CFH: variants seen among roughly 807,000 people sequenced by gnomAD.
CFH encodes the protein complement factor H.
CFH carries 53 observed loss-of-function variants against 147.3 expected under a neutral mutation model. The ratio of observed to expected loss-of-function variants is 0.36; its 90% CI spans 0.29 to 0.45. The LOEUF (loss-of-function observed/expected upper bound fraction) is 0.45. Ranked by LOEUF, CFH falls within the 20% of genes least tolerant of loss-of-function variation. The pLI, the probability that CFH is intolerant of heterozygous loss-of-function variation, is 1.00. For missense variants in CFH, 1,380 were observed against 1,498.0 expected (o/e 0.92, Z 1.30); for synonymous variants, 536 against 489.4 (o/e 1.10, Z -1.26).
At chr1:196,661,072 C>T (rs1003056578) in intron 1 of CFH, among the ~76,000 whole-genome samples, 1 of 151,960 alleles carries the variant, frequency 6.6e-6, no homozygotes, top group Non-Finnish European at 1.5e-5. Context: ...TCCTTTTGTG[C>T]GGAAGGGGCC....
chr1:196,722,457 G>T lies in CFH; in HGVS notation c.1697-2664G>T, dbSNP rs1410838095. ...TACAGTTTCTGCTGAGAAGTCCACT[G>T]TTAGTCTTACGAGATTTCCGTTATA... On this transcript the variant is annotated intron_variant, in intron 11 of 21. Transcript: ENST00000367429. 5.3e-5 allele frequency among the ~76,000 whole-genome samples: 8 copies of T among 152,186 alleles called. No homozygotes were observed. The East Asian group carries it at 1.5e-3, about 29-fold the overall frequency.
intron 10 of CFH, 140 bp from the exon 11 acceptor site, chr1:196,715,453 A>T: frequency 3.1e-6 from 2 of 652,976 alleles, no homozygotes; most frequent in Non-Finnish European, 5.3e-6. Context: ...ACAAATTCTC[A>T]CCAGTCATAG....
At position 196,691,324 on chromosome 1, in the gene CFH, G is replaced by GCTT. The variant is rs1349717060; in HGVS notation, c.1336+1085_1336+1086insCTT. 2.2e-4 allele frequency among the ~76,000 whole-genome samples: 34 copies of GCTT among 152,150 alleles called. No homozygotes were observed. The East Asian group carries it at 4.7e-3, about 21-fold the overall frequency. ...TTCTCTAGTATATGTAAGTACAAAT[G>GCTT]GGTATTCTGAGATCTTGTGCATATT... On this transcript the variant is annotated intron_variant, in intron 9 of 21. Coordinates refer to ENST00000367429, the MANE Select transcript of CFH (RefSeq NM_000186.4).
chr1:196,743,514 A>T lies in CFH; in HGVS notation c.3196A>T (p.Lys1066Ter). ...NAYIVSRQMS[K>*]YPSGERVRYQ... ...TTATATAGTGTCGAGACAGATGAGT[A>T]AATATCCATCTGGTGAGAGAGTACG... The change falls in exon 20 of 22, where the codon AAA becomes TAA. Residue 1066 changes from lysine (K) to a stop codon, truncating the protein, a stop_gained. Transcript: ENST00000367429. LOFTEE classifies it high-confidence loss of function. The T allele has an allele frequency of 6.2e-7, 1 of 1,614,088 alleles. No homozygotes were observed. The highest frequency in any genetic ancestry group is 8.5e-7 in the Non-Finnish European group (1 of 1,179,948).
intron 18 of CFH, chr1:196,741,205 AAT>A (rs1365328445): frequency 8.1e-6 from 2 of 245,640 alleles, no homozygotes; most frequent in African/African-American, 4.6e-5. Flanking sequence ...ATGCACACAC[AAT>A]ATAGGTGGTG....
At chr1:196,684,160 T>C (rs1667746355) in intron 6 of CFH, among the ~76,000 whole-genome samples, 1 of 151,966 alleles carries the variant, frequency 6.6e-6, no homozygotes, top group Admixed American at 6.6e-5. Context: ...GATGGCAAAC[T>C]ATAGGCTGCA....
chr1:196,718,543 T>G (rs962674007), intron 11 of CFH, among the ~76,000 whole-genome samples: 1 of 152,030 alleles, frequency 6.6e-6, no homozygotes, highest in East Asian at 1.9e-4. Flanking sequence ...GCATGGATCA[T>G]AAAGAGGTTG....
At chr1:196,700,020 T>G (rs1212882417) in intron 9 of CFH, among the ~76,000 whole-genome samples, 1 of 152,208 alleles carries the variant, frequency 6.6e-6, no homozygotes, top group Non-Finnish European at 1.5e-5. Flanking sequence ...ACTTTCCATT[T>G]GAGTTTCTCC....
At chr1:196,729,119 T>C (rs748095438) in intron 15 of CFH, among the ~76,000 whole-genome samples, 8 of 152,068 alleles carry the variant, frequency 5.3e-5, no homozygotes, top group Non-Finnish European at 8.8e-5. Flanking sequence ...TGCTATCCAA[T>C]TGTGGGTTTC....
Position 196,673,882 on chromosome 1 carries a change from T to C in CFH, c.270T>C (p.Asp90=). ...CQKRPCGHPG[D]TPFGTFTLTG... ...AAAGGCCCTGTGGACATCCTGGAGA[T>C]ACTCCTTTTGGTACTTTTACCCTTA... The change falls in exon 3 of 22, where the codon GAT becomes GAC. Residue 90 remains aspartate, a synonymous_variant. Transcript: ENST00000367429. 3 of 1,613,546 alleles carry C rather than the reference T, an allele frequency of 1.9e-6. No individual in the cohort carries two copies. The highest frequency in any genetic ancestry group is 2.5e-6 in the Non-Finnish European group (3 of 1,179,616).
intron 17 of CFH, among the ~76,000 whole-genome samples, chr1:196,738,301 T>C (rs1652659206): frequency 6.6e-6 from 1 of 152,138 alleles, no homozygotes; most frequent in Non-Finnish European, 1.5e-5. Flanking sequence ...TCCTCACAAT[T>C]CAAAACACAA....
At chr1:196,672,451 A>G (rs1279809123) in intron 1 of CFH, among the ~76,000 whole-genome samples, 1 of 152,192 alleles carries the variant, frequency 6.6e-6, no homozygotes, top group East Asian at 1.9e-4. Flanking sequence ...GAGTGCCTGT[A>G]TAATTCTGTA....
At chr1:196,689,658 A>C in intron 8 of CFH, 44 bp downstream of exon 8, 1 of 1,598,762 alleles carries the variant, frequency 6.3e-7, no homozygotes, top group Non-Finnish European at 8.6e-7. Context: ...TAAAACTTTC[A>C]AAGATCGAAG....
intron 3 of CFH, among the ~76,000 whole-genome samples, chr1:196,675,420 CT>C (rs1454637245): frequency 2.0e-5 from 3 of 152,096 alleles, no homozygotes; most frequent in Non-Finnish European, 4.4e-5. Flanking sequence ...ACACTAACAA[CT>C]TTTGGCTGGC....
At chr1:196,657,547 C>G (rs747871971) in intron 1 of CFH, among the ~76,000 whole-genome samples, 1 of 152,024 alleles carries the variant, frequency 6.6e-6, no homozygotes, top group Non-Finnish European at 1.5e-5. Context: ...CAGATTTTGG[C>G]CTGTGTGGGA....
At chr1:196,678,047 A>G in intron 5 of CFH, 1 of 241,990 alleles carries the variant, frequency 4.1e-6, no homozygotes, top group East Asian at 9.9e-5. Flanking sequence ...AATGCTAAGT[A>G]TTTCTGCTGC....
In CFH at chr1:196,690,031, CTTTA is replaced by C. The variant is rs755255465; in HGVS notation, c.1160-22_1160-19del. ...TGAGCAAATTTATGTTTCTCATTTACTTTATTTATTTATCATTGTTATGGTCCTT... is the reference window on the plus strand; with the variant it reads ...TGAGCAAATTTATGTTTCTCATTTACTTTATTTATCATTGTTATGGTCCTT... On this transcript the variant is annotated intron_variant, in intron 8 of 21. Coordinates refer to ENST00000367429, the MANE Select transcript of CFH (RefSeq NM_000186.4). 345 of 1,568,108 alleles carry C rather than the reference CTTTA, an allele frequency of 2.2e-4. 1 individual carries two copies. The African/African-American group carries it at 3.4e-3, about 15-fold the overall frequency.
intron 1 of CFH, among the ~76,000 whole-genome samples, chr1:196,660,247 T>C (rs1416869663): frequency 6.6e-6 from 1 of 152,166 alleles, no homozygotes; most frequent in Non-Finnish European, 1.5e-5. Context: ...AAAAAATAAG[T>C]TTGAAATGCT....
At position 196,674,036 on chromosome 1, in the gene CFH, A is replaced by G. The variant is rs1667375871; in HGVS notation, c.350+74A>G. ...AACTCTACTACTTTATATATTTTTA[A>G]GGTTATTATATTTTTCTATGAGCAT... On this transcript the variant is annotated intron_variant, in intron 3 of 21. Transcript: ENST00000367429. 9.7e-6 allele frequency: 10 copies of G among 1,034,340 alleles called. No individual in the cohort carries two copies. The Admixed American group carries it at 1.8e-4, about 19-fold the overall frequency. 64.1% of individuals were successfully genotyped at this position (1,034,340 alleles called of 1,614,324 possible). A position where few individuals can be genotyped will look rare whatever the true frequency, so the allele number is the denominator to read the frequency against.
Sources: allele counts gnomAD v4.1 joint callset (sites outside exome capture counted in the v4.1 genomes callset), GRCh38; gene constraint gnomAD v4.1.1; transcripts MANE v1.5; gene names NCBI Gene and HGNC (gene_info 2026-07-23, HGNC 2026-07-21).